The following SPATA9 variants were observed in gnomAD, a reference collection of about 807,000 sequenced individuals.
The protein encoded by SPATA9 is spermatogenesis-associated protein 9.
SPATA9 carries 27 observed loss-of-function variants against 25.5 expected under a neutral mutation model. The observed-to-expected ratio is 1.06, with a 90% confidence interval of 0.78 to 1.46. The LOEUF (loss-of-function observed/expected upper bound fraction) is 1.46, where lower values mean the gene tolerates loss of function less well. SPATA9 is among the 40% of genes most tolerant of loss of function. The probability of loss-of-function intolerance (pLI) is 0.00; values close to 1 mark genes in which losing one functional copy is unlikely to be tolerated. For missense variants in SPATA9, 282 were observed against 297.5 expected (o/e 0.95, Z 0.38); for synonymous variants, 102 against 105.7 (o/e 0.97, Z 0.21).
downstream of SPATA9, among the ~76,000 whole-genome samples, chr5:95,653,647 C>G (rs1750506167): frequency 6.6e-6 from 1 of 152,108 alleles, no homozygotes; most frequent in African/African-American, 2.4e-5. Context: ...GCCTGTAATC[C>G]CAGCACTTTG....
chr5:95,657,870 A>G (rs544555779), downstream of SPATA9: 70 of 152,318 alleles, frequency 4.6e-4, no homozygotes, highest in African/African-American at 1.7e-3. Flanking sequence ...TTCAATGCCC[A>G]GTCAGGTCTT....
chr5:95,683,147 T>A (rs1267767447), upstream of SPATA9: 2 of 508,046 alleles, frequency 3.9e-6, no homozygotes, highest in Non-Finnish European at 5.7e-6. Context: ...AGTTCTATGA[T>A]ATAAGTTGAA....
In SPATA9 at chr5:95,653,203, T is replaced by G. The variant is rs769890460; in HGVS notation, c.*454A>C. ...GCTCAGCTGTCATCTCAGTGACCAG[T>G]TTTTATCTGAGGTAAGAAAATGAAA... On this transcript the variant is annotated 3_prime_UTR_variant and NMD_transcript_variant, in exon 9 of 9. Transcript: ENST00000316087. 5 of 1,551,730 alleles carry G rather than the reference T, an allele frequency of 3.2e-6. No individual in the cohort carries two copies. In the South Asian group the frequency reaches 4.8e-5, roughly 15 times the overall value.
chr5:95,689,533 A>T (rs1753832952), intron 1 of SPATA9, among the ~76,000 whole-genome samples: 1 of 152,216 alleles, frequency 6.6e-6, no homozygotes, highest in Admixed American at 6.5e-5. Context: ...AAAACACAGT[A>T]CAAGACATTG....
the SPATA9 span, among the ~76,000 whole-genome samples, chr5:95,707,548 G>T: frequency 6.6e-6 from 1 of 152,148 alleles, no homozygotes; most frequent in African/African-American, 2.4e-5. Flanking sequence ...AGGATAAATG[G>T]TTACAGGAAC....
In SPATA9 at chr5:95,675,467, G is replaced by C. The variant is rs143465675; in HGVS notation, c.323C>G (p.Ser108Cys). 38 of 1,614,064 alleles carry C rather than the reference G, an allele frequency of 2.4e-5. No individual in the cohort carries two copies. The highest frequency in any genetic ancestry group is 3.1e-5 in the Non-Finnish European group (36 of 1,180,032). Reference protein sequence around the residue: ...ACRLLELRDISGRLLREVNAP... With the variant: ...ACRLLELRDICGRLLREVNAP... ...ATTAACTTCCCTCAGCAGACGACCAGATATGTCCCTTAGCTCTAAAAGTCT... is the reference window on the plus strand; with the variant it reads ...ATTAACTTCCCTCAGCAGACGACCACATATGTCCCTTAGCTCTAAAAGTCT... Residue 108 changes from serine to cysteine, a missense_variant, in exon 3 of 5, where the codon TCT becomes TGT. By Grantham distance (112) the Ser-to-Cys change is moderately radical. Transcript: ENST00000274432.
Position 95,658,915 on chromosome 5 carries a change from T to C in SPATA9, c.475-2A>G. Reference sequence around the variant, plus strand: ...CAGCACAGCATTAACACAGACTGCCTATACAATAAAAAGAGTTTGTAAAGT... The same window carrying C: ...CAGCACAGCATTAACACAGACTGCCCATACAATAAAAAGAGTTTGTAAAGT... On this transcript the variant is annotated splice_acceptor_variant, in intron 4 of 4. Coordinates refer to ENST00000274432, the MANE Select transcript of SPATA9 (RefSeq NM_031952.4). LOFTEE classifies it high-confidence loss of function. 1 of 1,584,330 alleles carries C rather than the reference T, an allele frequency of 6.3e-7. No individual in the cohort carries two copies. The highest frequency in any genetic ancestry group is 1.7e-4 in the Middle Eastern group (1 of 5,886).
At chr5:95,661,779 C>A (rs891952039) in intron 4 of SPATA9, among the ~76,000 whole-genome samples, 5 of 151,772 alleles carry the variant, frequency 3.3e-5, no homozygotes, top group Non-Finnish European at 7.4e-5. Flanking sequence ...TATTCTTGAC[C>A]CTATGCACTT....
the SPATA9 span, among the ~76,000 whole-genome samples, chr5:95,728,960 G>A: frequency 2.0e-5 from 3 of 152,156 alleles, no homozygotes; most frequent in Non-Finnish European, 1.5e-5. Context: ...AGCACAATGA[G>A]TCTACAAATG....
chr5:95,717,312 T>C, the SPATA9 span, among the ~76,000 whole-genome samples: 1 of 152,168 alleles, frequency 6.6e-6, no homozygotes, highest in Admixed American at 6.5e-5. Flanking sequence ...AGACTGTGGA[T>C]TTATTTGAGT....
the SPATA9 span, among the ~76,000 whole-genome samples, chr5:95,710,528 G>A: frequency 6.6e-6 from 1 of 152,176 alleles, no homozygotes; most frequent in Admixed American, 6.5e-5. Flanking sequence ...GAGGCCACGG[G>A]ATCCAGTCTC....
chr5:95,716,258 C>T, the SPATA9 span, among the ~76,000 whole-genome samples: 1 of 152,226 alleles, frequency 6.6e-6, no homozygotes, highest in Non-Finnish European at 1.5e-5. Context: ...ACGCTCAACG[C>T]CAGCCCATGA....
the SPATA9 span, among the ~76,000 whole-genome samples, chr5:95,720,349 A>C: frequency 6.6e-6 from 1 of 152,226 alleles, no homozygotes; most frequent in African/African-American, 2.4e-5. Context: ...CTGCAATAAA[A>C]ATATTTGAGA....
the SPATA9 span, chr5:95,731,599 G>C: frequency 6.3e-7 from 1 of 1,589,946 alleles, no homozygotes; most frequent in Non-Finnish European, 8.6e-7. Context: ...GCGGATTGCG[G>C]GTGAACTCGC....
chr5:95,715,156 T>G, the SPATA9 span, among the ~76,000 whole-genome samples: 4 of 151,972 alleles, frequency 2.6e-5, no homozygotes, highest in Non-Finnish European at 4.4e-5. Context: ...AAACCCCATC[T>G]CTACTGAAAA....
At chr5:95,678,165 T>C (rs1753118335) in intron 2 of SPATA9, among the ~76,000 whole-genome samples, 1 of 152,068 alleles carries the variant, frequency 6.6e-6, no homozygotes, top group Non-Finnish European at 1.5e-5. Flanking sequence ...TCACTTGGGG[T>C]CAGGAGTTTG....
At chr5:95,731,308 T>G in the SPATA9 span, 2 of 1,046,404 alleles carry the variant, frequency 1.9e-6, no homozygotes, top group Non-Finnish European at 1.1e-6. Flanking sequence ...CCTTCTCTGC[T>G]TAGAGGAGGA....
chr5:95,685,544 C>T (rs1753719901), upstream of SPATA9, among the ~76,000 whole-genome samples: 1 of 152,292 alleles, frequency 6.6e-6, no homozygotes, highest in South Asian at 2.1e-4. Flanking sequence ...AGTACTATGT[C>T]CTCCAGCTCA....
At chr5:95,729,864 G>A in the SPATA9 span, among the ~76,000 whole-genome samples, 6 of 152,220 alleles carry the variant, frequency 3.9e-5, no homozygotes, top group East Asian at 3.9e-4. Context: ...TTTTTTAAAC[G>A]CTAATCATCC....
Sources: gnomAD v4.1 joint callset for allele counts (sites outside exome capture counted in the v4.1 genomes callset) on GRCh38, gnomAD v4.1.1 for gene constraint, MANE v1.5 for transcripts, NCBI Gene and HGNC (gene_info 2026-07-23, HGNC 2026-07-21) for gene names.